TLDC2: variants seen among roughly 807,000 people sequenced by gnomAD.
TLDC2 encodes TLD domain-containing protein 2.
TLDC2 carries 23 observed loss-of-function variants against 27.9 expected under a neutral mutation model. The ratio of observed to expected loss-of-function variants is 0.82; its 90% confidence interval spans 0.59 to 1.17. The LOEUF (loss-of-function observed/expected upper bound fraction) is 1.17. Among genes scored for constraint, TLDC2 ranks in the 50% most tolerant of loss-of-function variants. The pLI, the probability that TLDC2 is intolerant of heterozygous loss-of-function variation, is 0.00. For synonymous variants in TLDC2, 124 were observed against 107.4 expected (o/e 1.16, Z -0.96); for missense variants, 286 against 273.4 (o/e 1.05, Z -0.32).
rs1315508363 is a variant in TLDC2 at position 36,879,337 on chromosome 20, C to T, written c.342+144C>T. On this transcript the variant is annotated intron_variant, in intron 3 of 6. Coordinates refer to ENST00000217320, the MANE Select transcript of TLDC2 (RefSeq NM_080628.3). The stretch of plus-strand genomic sequence containing the variant: ...TGGACACTGATGATGGCAATGAGAC[C>T]TGCCCACTCAGAGCCATTCCCCCAT... 9.9e-6 allele frequency: 11 copies of T among 1,106,688 alleles called. No homozygotes were observed. The South Asian group carries it at 1.5e-4, about 15-fold the overall frequency. 68.6% of individuals were successfully genotyped at this position (1,106,688 alleles called of 1,614,324 possible).
chr20:36,889,553 C>A lies in TLDC2; in HGVS notation c.*17+150C>A, dbSNP rs960395988. On this transcript the variant is annotated intron_variant, in intron 6 of 6. Transcript: ENST00000217320. The stretch of plus-strand genomic sequence containing the variant: ...TGGGGACCCAAGATACAGGTGGGGG[C>A]AGGCACTGCTCTTTTGCAGAGGTGA... The A allele has an allele frequency of 5.6e-6, 5 of 890,946 alleles. No individual in the cohort carries two copies. In the African/African-American group the frequency reaches 8.5e-5, roughly 15 times the overall value. The allele number at this position is 890,946 out of a possible 1,614,324, so 55.2% of individuals were successfully genotyped here. A position where few individuals can be genotyped will look rare whatever the true frequency, so the allele number is the denominator to read the frequency against.
chr20:36,877,859 C>T (rs1444656896), intron 1 of TLDC2, 40 bp from the exon 2 acceptor site: 2 of 1,579,022 alleles, frequency 1.3e-6, no homozygotes, highest in Non-Finnish European at 1.7e-6. Flanking sequence ...GCTGGGACCT[C>T]CTGTCCCTGG....
rs534016146 is a variant in TLDC2, at chr20:36,889,372, T to G, written c.634T>G (p.Trp212Gly). ...EQFCIQELEA[W>G]LLS Reference sequence around the variant, plus strand: ...GTTCTGCATCCAGGAGCTGGAGGCTTGGCTTCTCAGCTGACAGCCCTGCGG... The same window carrying G: ...GTTCTGCATCCAGGAGCTGGAGGCTGGGCTTCTCAGCTGACAGCCCTGCGG... The change falls in exon 6 of 7, where the codon TGG becomes GGG. Residue 212 changes from tryptophan (W) to glycine (G), a missense_variant. Physicochemically the swap from Trp to Gly is radical, Grantham distance 184 (BLOSUM62 -2). Coordinates refer to ENST00000217320, the MANE Select transcript of TLDC2 (RefSeq NM_080628.3). The G allele has an allele frequency of 6.2e-6, 10 of 1,614,010 alleles. No homozygotes were observed. In the East Asian group the frequency reaches 1.8e-4, roughly 29 times the overall value.
intron 1 of TLDC2, among the ~76,000 whole-genome samples, chr20:36,877,215 T>C (rs1251214354): frequency 1.3e-5 from 2 of 151,894 alleles, no homozygotes; most frequent in East Asian, 1.9e-4. Context: ...CCCGTGTCTC[T>C]ACTAAAAATA....
intron 2 of TLDC2, among the ~76,000 whole-genome samples, chr20:36,878,346 G>T (rs571817216): frequency 8.5e-5 from 13 of 152,190 alleles, no homozygotes; most frequent in South Asian, 4.1e-4. Flanking sequence ...TTTGGGAGGC[G>T]AAGGCAGGGG....
At chr20:36,887,424 T>A in intron 4 of TLDC2, 31 bp from the exon 5 acceptor site, 1 of 1,595,850 alleles carries the variant, frequency 6.3e-7, no homozygotes, top group Non-Finnish European at 8.6e-7. Flanking sequence ...GCTCGCTTAG[T>A]AACCTGAGCC....
Position 36,889,303 on chromosome 20 carries a change from C to G in TLDC2, c.565C>G (p.Pro189Ala), listed in dbSNP as rs1990001021. 1 of 1,614,076 alleles carries G rather than the reference C, an allele frequency of 6.2e-7. No homozygotes were observed. The highest frequency in any genetic ancestry group is 1.3e-5 in the African/African-American group (1 of 74,926). ...DGDLFRGGSSPCPTFNNEVLA... is the reference protein window; with the variant it reads ...DGDLFRGGSSACPTFNNEVLA... ...AGACTTGTTCCGCGGGGGAAGCTCC[C>G]CTTGCCCGACCTTCAACAACGAGGT... is the stretch of plus-strand genomic sequence containing the variant. The change falls in exon 6 of 7, where the codon CCT becomes GCT. Residue 189 changes from proline to alanine, a missense_variant. Coordinates refer to ENST00000217320, the MANE Select transcript of TLDC2 (RefSeq NM_080628.3).
At chr20:36,882,741 G>A (rs200940508) in intron 4 of TLDC2, among the ~76,000 whole-genome samples, 1 of 152,106 alleles carries the variant, frequency 6.6e-6, no homozygotes, top group East Asian at 1.9e-4. Flanking sequence ...TCAGCTGGAG[G>A]GGCTCCATCG....
chr20:36,887,464 T>G lies in TLDC2; in HGVS notation c.448T>G (p.Trp150Gly). ...SFSPQLKVFKWTGSNSFFVKG... is the reference protein window; with the variant it reads ...SFSPQLKVFKGTGSNSFFVKG... The stretch of plus-strand genomic sequence containing the variant: ...CCTATGTATCACCCAGGTCTTTAAG[T>G]GGACTGGAAGCAACTCTTTCTTTGT... The change falls in exon 5 of 7, where the codon TGG becomes GGG. Residue 150 changes from tryptophan to glycine, a missense_variant. Transcript: ENST00000217320. The G allele has an allele frequency of 1.9e-6, 3 of 1,613,998 alleles. No homozygotes were observed. Among genetic ancestry groups the G allele is most frequent in the Admixed American group, 1.7e-5 (1 of 60,018 alleles).
intron 5 of TLDC2, among the ~76,000 whole-genome samples, chr20:36,887,970 G>T (rs1989960862): frequency 6.6e-6 from 1 of 152,088 alleles, no homozygotes; most frequent in African/African-American, 2.4e-5. Flanking sequence ...ACATTCAGGG[G>T]GCATGCGTCT....
rs1442578464 is a variant in TLDC2 at position 36,892,915 on chromosome 20, C to T, written c.*71C>T. 3 of 1,613,806 alleles carry T rather than the reference C, an allele frequency of 1.9e-6. No homozygotes were observed. The highest frequency in any genetic ancestry group is 2.2e-5 in the East Asian group (1 of 44,878). On this transcript the variant is annotated 3_prime_UTR_variant, in exon 7 of 7. Transcript: ENST00000217320. Reference sequence around the variant, plus strand: ...TTGTGCAGGAGAGGGAGTTTGTAAACAACTGACTACAGACATTCACATTGG... The same window carrying T: ...TTGTGCAGGAGAGGGAGTTTGTAAATAACTGACTACAGACATTCACATTGG...
In TLDC2 at chr20:36,893,004, T is replaced by C; in HGVS notation, c.*160T>C. ...CTCGGAGGCGAGTTGGATTTTGGAC[T>C]GAAGTACTGTCGTTCCATTCCTTTT... On this transcript the variant is annotated 3_prime_UTR_variant, in exon 7 of 7. Transcript: ENST00000217320. 6.2e-7 allele frequency: 1 copy of C among 1,614,144 alleles called. No individual in the cohort carries two copies. Among genetic ancestry groups the C allele is most frequent in the Non-Finnish European group, 8.5e-7 (1 of 1,180,034 alleles).
intron 4 of TLDC2, among the ~76,000 whole-genome samples, chr20:36,882,026 G>T (rs1290093302): frequency 1.3e-5 from 2 of 152,182 alleles, no homozygotes; most frequent in Admixed American, 6.5e-5. Context: ...GTGAAGGGTG[G>T]TGGGTGGTGA....
At chr20:36,892,315 T>A (rs1224944275) in intron 6 of TLDC2, 1 of 159,854 alleles carries the variant, frequency 6.3e-6, no homozygotes, top group Non-Finnish European at 1.4e-5. Context: ...GTCTTTCACT[T>A]ATGCTTAGGT....
At chr20:36,885,905 C>T (rs2148347584) in intron 4 of TLDC2, among the ~76,000 whole-genome samples, 1 of 152,098 alleles carries the variant, frequency 6.6e-6, no homozygotes, top group South Asian at 2.1e-4. Flanking sequence ...ATAGGGTGGT[C>T]CAGGAAATTT....
Position 36,883,550 on chromosome 20 carries a change from C to T in TLDC2, c.438+2800C>T, listed in dbSNP as rs150842492. Among the ~76,000 whole-genome samples the T allele has an allele frequency of 3.9e-5, 6 of 152,290 alleles. No homozygotes were observed. The East Asian group carries it at 1.2e-3, about 29-fold the overall frequency. On this transcript the variant is annotated intron_variant, in intron 4 of 6. Transcript: ENST00000217320. ...CAAAGTGAATGGCATCTCCATCTCC[C>T]GCTGCTGAGACAGAAAATCTTGAAG...
chr20:36,883,720 T>C (rs768510945), intron 4 of TLDC2, among the ~76,000 whole-genome samples: 8 of 152,190 alleles, frequency 5.3e-5, no homozygotes, highest in Non-Finnish European at 7.3e-5. Flanking sequence ...TCATTACTTG[T>C]GTGTCCCTGC....
intron 1 of TLDC2, among the ~76,000 whole-genome samples, chr20:36,876,473 AG>A (rs1230430321): frequency 1.3e-5 from 2 of 152,184 alleles, no homozygotes; most frequent in Non-Finnish European, 2.9e-5. Context: ...CTCTGTTCAG[AG>A]CCACACACAG....
In TLDC2 at chr20:36,877,732, C is replaced by T. The variant is rs368896474; in HGVS notation, c.34-167C>T. Among the ~76,000 whole-genome samples, 52 of 152,316 alleles carry T rather than the reference C, an allele frequency of 3.4e-4. 1 individual carries two copies. The South Asian group carries it at 8.1e-3, about 24-fold the overall frequency. On this transcript the variant is annotated intron_variant, in intron 1 of 6. Coordinates refer to ENST00000217320, the MANE Select transcript of TLDC2 (RefSeq NM_080628.3). ...GGAAGCAGGCTGGCGGCAGGGGCAG[C>T]GTCCTGTCTGTCGTGGAAACCCCCA... is the stretch of plus-strand genomic sequence containing the variant.
Sources: gnomAD v4.1 joint callset for allele counts (sites outside exome capture counted in the v4.1 genomes callset) on GRCh38, gnomAD v4.1.1 for gene constraint, MANE v1.5 for transcripts, NCBI Gene and HGNC (gene_info 2026-07-23, HGNC 2026-07-21) for gene names.